TRAPPC9: variants seen among roughly 807,000 people sequenced by gnomAD.
The protein encoded by TRAPPC9 is IKK2 binding protein.
A neutral mutation model predicts 124.0 loss-of-function variants in TRAPPC9; 83 were observed. That is an observed-to-expected ratio of 0.67 (90% confidence interval 0.56 to 0.80). The LOEUF is 0.80. Among genes scored for constraint, TRAPPC9 ranks in the 30% least tolerant of loss-of-function variants. The pLI, the probability that TRAPPC9 is intolerant of heterozygous loss-of-function variation, is 0.00. For missense variants in TRAPPC9, 1,302 were observed against 1,508.3 expected, an observed-to-expected ratio of 0.86 and a Z score of 2.27; for synonymous variants, 638 against 617.5, an observed-to-expected ratio of 1.03 and a Z score of -0.49.
chr8:139,981,840 C>G (rs1836918219), intron 19 of TRAPPC9, among the ~76,000 whole-genome samples: 1 of 152,194 alleles, frequency 6.6e-6, no homozygotes, highest in East Asian at 1.9e-4. Flanking sequence ...CACGTGGATG[C>G]TCTATCAAGA....
chr8:140,201,806 C>G (rs1402485219), intron 17 of TRAPPC9, among the ~76,000 whole-genome samples: 1 of 152,148 alleles, frequency 6.6e-6, no homozygotes, highest in Non-Finnish European at 1.5e-5. Flanking sequence ...CAGCCAGGGA[C>G]TGGGAGAGGC....
chr8:140,087,255 C>T lies in TRAPPC9; in HGVS notation c.2557-63176G>A, dbSNP rs1844247836. Among the ~76,000 whole-genome samples, 1 of 152,144 alleles carries T rather than the reference C, an allele frequency of 6.6e-6. No individual in the cohort carries two copies. The highest frequency in any genetic ancestry group is 1.5e-5 in the Non-Finnish European group (1 of 68,024). On this transcript the variant is annotated intron_variant, in intron 17 of 22. Coordinates refer to ENST00000438773, the MANE Select transcript of TRAPPC9 (RefSeq NM_001160372.4). This position sits in a 1 kb window ranked among gnomAD's most constrained non-coding sequence, Gnocchi z 4.6. The stretch of plus-strand genomic sequence containing the variant: ...TTCCTCCTCTGTCTCCCGTGCCCTC[C>T]CCCCGGCCCCATCACCCTGCAGATG...
intron 17 of TRAPPC9, among the ~76,000 whole-genome samples, chr8:140,131,683 C>A (rs1345361514): frequency 6.6e-6 from 1 of 152,230 alleles, no homozygotes; most frequent in Non-Finnish European, 1.5e-5. Context: ...AAGACCTGTT[C>A]TTTCACAAAG....
intron 17 of TRAPPC9, among the ~76,000 whole-genome samples, chr8:140,188,110 G>C (rs570674978): frequency 6.6e-6 from 1 of 152,202 alleles, no homozygotes. Flanking sequence ...TGGCCTCCCA[G>C]AGATCATGGG....
rs898695065 is a variant in TRAPPC9, at chr8:139,788,895, G to C, written c.3056-56693C>G. 5.3e-5 allele frequency among the ~76,000 whole-genome samples: 8 copies of C among 152,196 alleles called. No homozygotes were observed. Among genetic ancestry groups the C allele is most frequent in the Non-Finnish European group, 1.0e-4 (7 of 68,038 alleles). On this transcript the variant is annotated intron_variant, in intron 21 of 22. Coordinates refer to ENST00000438773, the MANE Select transcript of TRAPPC9 (RefSeq NM_001160372.4). The surrounding 1 kb of genome is among the most constrained non-coding windows in gnomAD (Gnocchi z 4.9). The stretch of plus-strand genomic sequence containing the variant: ...ACAGGGGCCCTGTTGCCAACCTTCT[G>C]CAGGTCAGACCAAAGTTTTAAAAGA...
chr8:140,016,836 G>T (rs1386562698), intron 18 of TRAPPC9, among the ~76,000 whole-genome samples: 1 of 152,132 alleles, frequency 6.6e-6, no homozygotes, highest in Non-Finnish European at 1.5e-5. Flanking sequence ...CACTGGGGAG[G>T]AATATGTTTT....
At position 139,851,200 on chromosome 8, in the gene TRAPPC9, C is replaced by T. The variant is rs373370089; in HGVS notation, c.3055+34679G>A. Among the ~76,000 whole-genome samples, 30 of 152,304 alleles carry T rather than the reference C, an allele frequency of 2.0e-4. No individual in the cohort carries two copies. The East Asian group carries it at 3.5e-3, about 18-fold the overall frequency. On this transcript the variant is annotated intron_variant, in intron 21 of 22. Transcript: ENST00000438773. ...AACCACTGCAGAGAGGTATGAACAA[C>T]GTACAATGGGAGCCGAGGAGAGCAG...
chr8:140,381,407 C>T (rs927815839), intron 7 of TRAPPC9, among the ~76,000 whole-genome samples: 1 of 151,990 alleles, frequency 6.6e-6, no homozygotes, highest in Non-Finnish European at 1.5e-5. Context: ...GTGGCTCGCG[C>T]CTGTAATTCC....
chr8:140,245,175 C>T (rs1193418063), intron 16 of TRAPPC9, among the ~76,000 whole-genome samples: 2 of 152,196 alleles, frequency 1.3e-5, no homozygotes, highest in Non-Finnish European at 2.9e-5. Flanking sequence ...AAAGGTATCA[C>T]TTAATGAATT....
intron 20 of TRAPPC9, among the ~76,000 whole-genome samples, chr8:139,893,025 G>A (rs953439003): frequency 6.6e-6 from 1 of 152,192 alleles, no homozygotes; most frequent in Non-Finnish European, 1.5e-5. Context: ...AGATAGAGGG[G>A]AAGGCTTTCA....
At chr8:140,069,546 C>G (rs1038247449) in intron 17 of TRAPPC9, among the ~76,000 whole-genome samples, 2 of 65,722 alleles carry the variant, frequency 3.0e-5, no homozygotes, top group African/African-American at 2.5e-4. Context: ...TAAACTTAGA[C>G]AACTTTGTGG....
Position 140,367,340 on chromosome 8 carries a change from G to A in TRAPPC9, c.1351+3624C>T, listed in dbSNP as rs140754672. 1.6e-4 allele frequency among the ~76,000 whole-genome samples: 25 copies of A among 152,282 alleles called. No homozygotes were observed. The East Asian group carries it at 4.8e-3, about 29-fold the overall frequency. ...CAAGTTGTCAACCAAGATTCATTAGGTGAATGTATAAATAACTGTGACATA... is the reference window on the plus strand; with the variant it reads ...CAAGTTGTCAACCAAGATTCATTAGATGAATGTATAAATAACTGTGACATA... On this transcript the variant is annotated intron_variant, in intron 8 of 22. Coordinates refer to ENST00000438773, the MANE Select transcript of TRAPPC9 (RefSeq NM_001160372.4).
chr8:140,220,467 A>T (rs958171742), intron 17 of TRAPPC9, among the ~76,000 whole-genome samples: 10 of 151,740 alleles, frequency 6.6e-5, no homozygotes, highest in Non-Finnish European at 1.3e-4. Context: ...GGAATGGGGC[A>T]CTCCCCGCTA....
chr8:140,198,146 G>A (rs547390896), intron 17 of TRAPPC9, among the ~76,000 whole-genome samples: 76 of 152,296 alleles, frequency 5.0e-4, no homozygotes, highest in Middle Eastern at 3.4e-3. Context: ...ACTCCATCTT[G>A]CTTCTAACCT....
At chr8:139,838,475 G>A (rs566211280) in intron 21 of TRAPPC9, among the ~76,000 whole-genome samples, 7 of 152,360 alleles carry the variant, frequency 4.6e-5, no homozygotes, top group South Asian at 4.1e-4. Context: ...AGGACTGAGC[G>A]GGGAGTGAGC....
intron 17 of TRAPPC9, among the ~76,000 whole-genome samples, chr8:140,024,709 A>ATGTGGGATGACAGGCG (rs1195264089): frequency 2.0e-5 from 3 of 150,720 alleles, no homozygotes; most frequent in African/African-American, 4.9e-5. Context: ...GATGACAGGC[A>ATGTGGGATGACAGGCG]TGTGGGATGA....
rs1008592563 is a variant in TRAPPC9, at chr8:139,988,848, A to G, written c.2700-12T>C. 2.6e-5 allele frequency: 40 copies of G among 1,530,304 alleles called. No individual in the cohort carries two copies. The highest frequency in any genetic ancestry group is 3.6e-5 in the South Asian group (3 of 83,684). The allele number at this position is 1,530,304 out of a possible 1,614,324, so 94.8% of individuals were successfully genotyped here. A position where few individuals can be genotyped will look rare whatever the true frequency, so the allele number is the denominator to read the frequency against. The stretch of plus-strand genomic sequence containing the variant: ...GACACTGCCGGGTACTGCGTTAAAG[A>G]AAAAAGAAAGTTCAGAATCCTCTGA... On this transcript the variant is annotated splice_polypyrimidine_tract_variant and intron_variant, in intron 18 of 22. Transcript: ENST00000438773.
At chr8:139,868,700 A>T (rs1225054732) in intron 21 of TRAPPC9, among the ~76,000 whole-genome samples, 1 of 152,172 alleles carries the variant, frequency 6.6e-6, no homozygotes, top group African/African-American at 2.4e-5. Context: ...TACTCTGGAG[A>T]TTGTTGTAAA....
rs185203454 is a variant in TRAPPC9 at position 139,742,926 on chromosome 8, T to C, written c.3056-10724A>G. Among the ~76,000 whole-genome samples the C allele has an allele frequency of 0.013, 2,018 of 151,432 alleles. 35 individuals are homozygous for C. Among genetic ancestry groups the C allele is most frequent in the African/African-American group, 0.045 (1,871 of 41,280 alleles). Reference sequence around the variant, plus strand: ...CCTGACTGCACCCTAGAGAGGCGGGTTTCCTCTGTCTAGGGTGGTGCTGAG... The same window carrying C: ...CCTGACTGCACCCTAGAGAGGCGGGCTTCCTCTGTCTAGGGTGGTGCTGAG... On this transcript the variant is annotated intron_variant, in intron 21 of 22. Transcript: ENST00000438773. This position sits in a 1 kb window ranked among gnomAD's most constrained non-coding sequence, Gnocchi z 4.7.
Sources: allele counts gnomAD v4.1 joint callset (sites outside exome capture counted in the v4.1 genomes callset), GRCh38; gene constraint gnomAD v4.1.1; non-coding constraint Gnocchi (gnomAD v3.1); transcripts MANE v1.5; gene names NCBI Gene and HGNC (gene_info 2026-07-23, HGNC 2026-07-21).